Variants in RIGI observed in about 807,000 individuals in gnomAD.
RIGI encodes the protein RNA sensor RIG-I.
At chr9:32,515,089 C>T in the RIGI span, among the ~76,000 whole-genome samples, 1 of 152,004 alleles carries the variant, frequency 6.6e-6, no homozygotes, top group Non-Finnish European at 1.5e-5. Flanking sequence ...ATGTTGATTC[C>T]GTTAGAGGAA....
chr9:32,467,696 G>A, the RIGI span: 1 of 1,424,962 alleles, frequency 7.0e-7, no homozygotes, highest in Non-Finnish European at 9.4e-7. Flanking sequence ...AGGCCAGAAT[G>A]ACACATACAC....
the RIGI span, chr9:32,526,115 T>C: frequency 1.9e-6 from 3 of 1,613,708 alleles, no homozygotes; most frequent in Non-Finnish European, 2.5e-6. Flanking sequence ...TCCAGGGTCT[T>C]CCGGATATAA....
the RIGI span, among the ~76,000 whole-genome samples, chr9:32,500,353 T>C: frequency 6.6e-6 from 1 of 152,246 alleles, no homozygotes; most frequent in Non-Finnish European, 1.5e-5. Context: ...TCCTTCTCTA[T>C]GTGCATGGGT....
chr9:32,521,139 C>CAAAAAAAAAAAAAAAAAAAAA, the RIGI span, among the ~76,000 whole-genome samples: 35 of 32,774 alleles, frequency 1.1e-3, 5 homozygotes, highest in Non-Finnish European at 1.5e-3. Flanking sequence ...GACACCATCT[C>CAAAAAAAAAAAAAAAAAAAAA]AAAAAAAAAA....
At chr9:32,486,551 T>A in the RIGI span, among the ~76,000 whole-genome samples, 1 of 136,668 alleles carries the variant, frequency 7.3e-6, no homozygotes, top group African/African-American at 2.8e-5. Context: ...AGTTGTAGAA[T>A]AAATACAGGA....
At chr9:32,500,679 A>G in the RIGI span, 6 of 1,150,290 alleles carry the variant, frequency 5.2e-6, no homozygotes, top group South Asian at 1.7e-5. Flanking sequence ...CAGTCTTTAC[A>G]TTGTCTCAGA....
chr9:32,520,369 G>A, the RIGI span, among the ~76,000 whole-genome samples: 396 of 152,084 alleles, frequency 2.6e-3, 3 homozygotes, highest in African/African-American at 9.3e-3. Flanking sequence ...AGAATGATGA[G>A]GTTTCCTGCA....
At chr9:32,523,321 A>G in the RIGI span, among the ~76,000 whole-genome samples, 10 of 152,194 alleles carry the variant, frequency 6.6e-5, no homozygotes, top group African/African-American at 1.9e-4. Context: ...TGTCTCCCCA[A>G]CTGTGGACCC....
At chr9:32,485,298 A>AG in the RIGI span, 1 of 1,502,032 alleles carries the variant, frequency 6.7e-7, no homozygotes, top group Non-Finnish European at 9.1e-7. Context: ...GTCAAAAAAA[A>AG]AAGAAAAAGA....
At chr9:32,521,919 T>C in the RIGI span, among the ~76,000 whole-genome samples, 1 of 152,224 alleles carries the variant, frequency 6.6e-6, no homozygotes, top group Non-Finnish European at 1.5e-5. Flanking sequence ...ATTGTTGTTT[T>C]GCATTGATTC....
the RIGI span, among the ~76,000 whole-genome samples, chr9:32,512,693 C>A: frequency 6.6e-6 from 1 of 152,170 alleles, no homozygotes; most frequent in East Asian, 1.9e-4. Context: ...CACTCCTATT[C>A]AACATACTGT....
the RIGI span, among the ~76,000 whole-genome samples, chr9:32,490,041 G>A: frequency 1.3e-5 from 2 of 152,278 alleles, no homozygotes; most frequent in East Asian, 3.9e-4. Flanking sequence ...TTAGAGAAAG[G>A]GAGAATTTCT....
At chr9:32,487,358 A>G in the RIGI span, 2 of 1,069,262 alleles carry the variant, frequency 1.9e-6, no homozygotes, top group East Asian at 2.4e-5. Flanking sequence ...AAGGTTAAAT[A>G]TTTTCTACTA....
At chr9:32,488,207 G>C in the RIGI span, 1 of 1,611,978 alleles carries the variant, frequency 6.2e-7, no homozygotes, top group Non-Finnish European at 8.5e-7. Flanking sequence ...TCTATACCTG[G>C]GAAATGACAG....
the RIGI span, among the ~76,000 whole-genome samples, chr9:32,495,639 T>C: frequency 6.6e-6 from 1 of 151,348 alleles, no homozygotes; most frequent in African/African-American, 2.4e-5. Flanking sequence ...TTTGGATAAA[T>C]GTCTATTCAA....
chr9:32,481,621 T>G, the RIGI span: 2 of 696,876 alleles, frequency 2.9e-6, no homozygotes, highest in Non-Finnish European at 4.6e-6. Flanking sequence ...AGTCTCGCTC[T>G]GATGCCCAGG....
chr9:32,476,037 G>A, the RIGI span, among the ~76,000 whole-genome samples: 4 of 151,924 alleles, frequency 2.6e-5, no homozygotes, highest in Admixed American at 2.0e-4. Context: ...CCTCACCAAG[G>A]CAGTTACAGA....
chr9:32,462,181 G>A, the RIGI span, among the ~76,000 whole-genome samples: 1 of 152,114 alleles, frequency 6.6e-6, no homozygotes, highest in African/African-American at 2.4e-5. Flanking sequence ...AGGCACTACT[G>A]TATGGATTGC....
the RIGI span, chr9:32,457,449 AAG>A: frequency 6.3e-7 from 1 of 1,586,102 alleles, no homozygotes. Flanking sequence ...TAACACACAA[AAG>A]AGAACGTTAG....
Sources: allele counts gnomAD v4.1 joint callset (sites outside exome capture counted in the v4.1 genomes callset), GRCh38; gene constraint gnomAD v4.1.1; transcripts MANE v1.5; gene names NCBI Gene and HGNC (gene_info 2026-07-23, HGNC 2026-07-21).